Variants in PKNOX2 observed in about 807,000 individuals in gnomAD.
PKNOX2 encodes homeobox protein PKNOX2.
Under a neutral mutation model 53.1 loss-of-function variants are expected in PKNOX2, and 14 were observed. The observed-to-expected ratio is 0.26, with a 90% CI of 0.17 to 0.41. The LOEUF is 0.41. PKNOX2 is among the 10% of genes least tolerant of loss of function. The probability of loss-of-function intolerance (pLI) is 1.00; values close to 1 mark genes in which losing one functional copy is unlikely to be tolerated. For missense variants in PKNOX2, 496 were observed against 602.8 expected (o/e 0.82, Z 1.85); for synonymous variants, 257 against 242.8 (o/e 1.06, Z -0.54).
chr11:125,224,604 T>G (rs187019965), intron 1 of PKNOX2, among the ~76,000 whole-genome samples: 10 of 152,352 alleles, frequency 6.6e-5, no homozygotes, highest in Non-Finnish European at 8.8e-5. Flanking sequence ...ATTGGTGTTA[T>G]ACCCAGGAGC....
intron 3 of PKNOX2, among the ~76,000 whole-genome samples, chr11:125,335,945 A>G (rs1950414789): frequency 6.6e-6 from 1 of 152,214 alleles, no homozygotes. Context: ...CCTTGAAGGT[A>G]GGGACTACAT....
intron 4 of PKNOX2, among the ~76,000 whole-genome samples, chr11:125,355,689 C>T (rs543883414): frequency 6.6e-6 from 1 of 152,224 alleles, no homozygotes; most frequent in Admixed American, 6.5e-5. Context: ...CCTCCCACTG[C>T]CCCAAGAATC....
At chr11:125,178,602 G>T (rs12795929) in intron 1 of PKNOX2, among the ~76,000 whole-genome samples, 1 of 57,196 alleles carries the variant, frequency 1.7e-5, no homozygotes, top group African/African-American at 1.1e-4. Context: ...AGGAAGGAAG[G>T]AAGGAAGGAA....
intron 1 of PKNOX2, among the ~76,000 whole-genome samples, chr11:125,200,604 C>CAGTG (rs1938326289): frequency 6.6e-6 from 1 of 152,220 alleles, no homozygotes; most frequent in African/African-American, 2.4e-5. Context: ...CCCAACCTCC[C>CAGTG]CCTGGCCCTC....
At chr11:125,320,371 C>T (rs1197651983) in intron 2 of PKNOX2, among the ~76,000 whole-genome samples, 1 of 152,130 alleles carries the variant, frequency 6.6e-6, no homozygotes, top group African/African-American at 2.4e-5. Context: ...ACAAGAGATA[C>T]ACCCTAGGAT....
At chr11:125,280,887 C>A (rs1946514293) in intron 2 of PKNOX2, among the ~76,000 whole-genome samples, 1 of 152,136 alleles carries the variant, frequency 6.6e-6, no homozygotes, top group Non-Finnish European at 1.5e-5. Context: ...TGCCCGCTTC[C>A]CACTCACCCC....
At chr11:125,323,439 G>A (rs931354983) in intron 2 of PKNOX2, among the ~76,000 whole-genome samples, 2 of 152,108 alleles carry the variant, frequency 1.3e-5, no homozygotes, top group African/African-American at 4.8e-5. Context: ...TGTCCTCCAG[G>A]AGCTGGTTAT....
chr11:125,189,435 GTGTGTGTGTGTGTATATA>G (rs1430044885), intron 1 of PKNOX2, among the ~76,000 whole-genome samples: 118 of 79,574 alleles, frequency 1.5e-3, no homozygotes, highest in Middle Eastern at 0.012. Flanking sequence ...GTGTGTGTGT[GTGTGTGTGTGTGTATATA>G]TATATATATA....
chr11:125,180,985 A>G (rs538232187), intron 1 of PKNOX2, among the ~76,000 whole-genome samples: 1 of 152,364 alleles, frequency 6.6e-6, no homozygotes, highest in East Asian at 1.9e-4. Flanking sequence ...CACTTCAGGA[A>G]CTTCTAGTTT....
chr11:125,317,043 A>G (rs1327114261), intron 2 of PKNOX2, among the ~76,000 whole-genome samples: 1 of 152,250 alleles, frequency 6.6e-6, no homozygotes, highest in Non-Finnish European at 1.5e-5. Context: ...TGTGCACAGT[A>G]TCTTCACCAG....
intron 2 of PKNOX2, among the ~76,000 whole-genome samples, chr11:125,252,190 G>A (rs1038122112): frequency 2.6e-5 from 4 of 152,214 alleles, no homozygotes; most frequent in African/African-American, 4.8e-5. Flanking sequence ...TCCAGGCAGA[G>A]GGAGCTTGGT....
intron 5 of PKNOX2, among the ~76,000 whole-genome samples, chr11:125,376,594 A>G (rs1238379207): frequency 6.6e-6 from 1 of 152,198 alleles, no homozygotes; most frequent in Non-Finnish European, 1.5e-5. Flanking sequence ...AAGTCCCCCT[A>G]GTATGGATGG....
At chr11:125,184,858 A>G (rs1381591542) in intron 1 of PKNOX2, among the ~76,000 whole-genome samples, 2 of 152,126 alleles carry the variant, frequency 1.3e-5, no homozygotes, top group Admixed American at 6.5e-5. Flanking sequence ...ATACTTTTCC[A>G]CCTACACGGT....
In PKNOX2 at chr11:125,222,670, GTGTA is replaced by G. The variant is rs1471704357; in HGVS notation, c.-200-12371_-200-12368del. 7.5e-3 allele frequency among the ~76,000 whole-genome samples: 1,123 copies of G among 149,930 alleles called. 23 individuals are homozygous for G. The highest frequency in any genetic ancestry group is 0.027 in the African/African-American group (1,073 of 40,422). ...GTATGTGTGTGCTGTGTATGTGTGTGTGTATGTGTGTGCGTATGTGTGTGTATGT... is the reference window on the plus strand; with the variant it reads ...GTATGTGTGTGCTGTGTATGTGTGTGTGTGTGTGCGTATGTGTGTGTATGT... On this transcript the variant is annotated intron_variant, in intron 1 of 12. Coordinates refer to ENST00000298282, the MANE Select transcript of PKNOX2 (RefSeq NM_001382323.2).
intron 1 of PKNOX2, among the ~76,000 whole-genome samples, chr11:125,202,521 T>C (rs1345901552): frequency 6.6e-6 from 1 of 152,160 alleles, no homozygotes; most frequent in Non-Finnish European, 1.5e-5. Flanking sequence ...AGTTGGCAGG[T>C]GCACCGTGGA....
intron 6 of PKNOX2, among the ~76,000 whole-genome samples, chr11:125,387,980 G>A (rs1419603215): frequency 6.6e-6 from 1 of 151,968 alleles, no homozygotes; most frequent in African/African-American, 2.4e-5. Flanking sequence ...TAATGAGATG[G>A]CACTGGGAAA....
chr11:125,231,289 C>T (rs537391361), intron 1 of PKNOX2, among the ~76,000 whole-genome samples: 6 of 152,312 alleles, frequency 3.9e-5, no homozygotes, highest in African/African-American at 1.4e-4. Context: ...GATGCAGAGA[C>T]AAGTTCTATC....
intron 2 of PKNOX2, among the ~76,000 whole-genome samples, chr11:125,301,013 C>T (rs1948026997): frequency 6.6e-6 from 1 of 152,166 alleles, no homozygotes; most frequent in South Asian, 2.1e-4. Context: ...ATCCTCGTCC[C>T]CTCCTCCAGG....
chr11:125,407,919 T>G (rs1416199663), intron 7 of PKNOX2, among the ~76,000 whole-genome samples: 1 of 152,184 alleles, frequency 6.6e-6, no homozygotes, highest in Admixed American at 6.5e-5. Context: ...CGGTGTCACA[T>G]GCACTGTATA....
Sources: gnomAD v4.1 joint callset for allele counts (sites outside exome capture counted in the v4.1 genomes callset) on GRCh38, gnomAD v4.1.1 for gene constraint, MANE v1.5 for transcripts, NCBI Gene and HGNC (gene_info 2026-07-23, HGNC 2026-07-21) for gene names.